ZDHHC8: variants seen among roughly 807,000 people sequenced by gnomAD.
The protein encoded by ZDHHC8 is palmitoyltransferase ZDHHC8.
In ZDHHC8, 24 loss-of-function variants were observed where a neutral mutation model predicts 61.2. The ratio of observed to expected loss-of-function variants is 0.39; its 90% CI spans 0.28 to 0.55. ZDHHC8 has a LOEUF of 0.55. ZDHHC8 is among the 20% of genes least tolerant of loss of function. The pLI, the probability that ZDHHC8 is intolerant of heterozygous loss-of-function variation, is 0.60. For synonymous variants in ZDHHC8, 523 were observed against 492.5 expected, an observed-to-expected ratio of 1.06 and a Z score of -0.82; for missense variants, 935 against 1,102.1, an observed-to-expected ratio of 0.85 and a Z score of 2.15.
chr22:20,143,802 G>C (rs1212891986), intron 10 of ZDHHC8, 46 bp downstream of exon 10: 2 of 1,557,692 alleles, frequency 1.3e-6, no homozygotes, highest in Non-Finnish European at 1.7e-6. Context: ...CAGGGCAGCT[G>C]TCCAGCCGTC....
chr22:20,137,862 A>T (rs1237663377), intron 1 of ZDHHC8, among the ~76,000 whole-genome samples: 2 of 152,162 alleles, frequency 1.3e-5, no homozygotes, highest in African/African-American at 4.8e-5. Context: ...CTGGGCAGGG[A>T]CAGGGAGAGC....
intron 1 of ZDHHC8, 22 bp downstream of exon 1, chr22:20,132,073 G>A (rs1383911831): frequency 8.0e-7 from 1 of 1,251,644 alleles, no homozygotes; most frequent in South Asian, 1.8e-5. Flanking sequence ...CCGCGTCTGG[G>A]GGCACGCGGG....
chr22:20,141,735 C>T (rs768569972), intron 9 of ZDHHC8, among the ~76,000 whole-genome samples: 5 of 152,180 alleles, frequency 3.3e-5, no homozygotes, highest in Non-Finnish European at 4.4e-5. Context: ...TGTCTGTGTG[C>T]ACCCAGAGCT....
chr22:20,145,463 C>G lies in ZDHHC8; in HGVS notation c.*63C>G, dbSNP rs1217127493. The stretch of plus-strand genomic sequence containing the variant: ...ACCAGGACCCCACAGCGCACCCCCC[C>G]TCCCCACCAACTTCTCTGCCCCAGG... On this transcript the variant is annotated 3_prime_UTR_variant, in exon 11 of 11. Coordinates refer to ENST00000334554, the MANE Select transcript of ZDHHC8 (RefSeq NM_013373.4). 1.9e-5 allele frequency: 25 copies of G among 1,346,636 alleles called. No individual in the cohort carries two copies. Among genetic ancestry groups the G allele is most frequent in the Non-Finnish European group, 2.3e-5 (24 of 1,047,338 alleles). The allele number at this position is 1,346,636 out of a possible 1,614,324, so 83.4% of individuals were successfully genotyped here.
chr22:20,137,747 G>A (rs1885418626), intron 1 of ZDHHC8, among the ~76,000 whole-genome samples: 1 of 152,226 alleles, frequency 6.6e-6, no homozygotes, highest in African/African-American at 2.4e-5. Flanking sequence ...GGGGCCTGTG[G>A]TCCTGGCTGA....
chr22:20,145,469 A>G lies in ZDHHC8; in HGVS notation c.*69A>G. 1 of 1,323,732 alleles carries G rather than the reference A, an allele frequency of 7.6e-7. No homozygotes were observed. The allele number at this position is 1,323,732 out of a possible 1,614,324, so 82.0% of individuals were successfully genotyped here. On this transcript the variant is annotated 3_prime_UTR_variant, in exon 11 of 11. Transcript: ENST00000334554. ...ACCCCACAGCGCACCCCCCCTCCCCACCAACTTCTCTGCCCCAGGGACCCG... is the reference window on the plus strand; with the variant it reads ...ACCCCACAGCGCACCCCCCCTCCCCGCCAACTTCTCTGCCCCAGGGACCCG...
In ZDHHC8 at chr22:20,141,170, T is replaced by TGCCCCTCATCCAAGCCCC. The variant is rs764916360; in HGVS notation, c.895-46_895-29dup. The TGCCCCTCATCCAAGCCCC allele has an allele frequency of 3.8e-6, 6 of 1,593,670 alleles. No homozygotes were observed. In the East Asian group the frequency reaches 1.3e-4, roughly 36 times the overall value. ...CCAGGCTGAATCCCTAGTGAAGCCCTGCCCCTCATCCAAGCCCCACACACC... is the reference window on the plus strand; with the variant it reads ...CCAGGCTGAATCCCTAGTGAAGCCCTGCCCCTCATCCAAGCCCCGCCCCTCATCCAAGCCCCACACACC... On this transcript the variant is annotated intron_variant, in intron 7 of 10. Transcript: ENST00000334554.
At chr22:20,132,674 C>T (rs1421533130) in intron 1 of ZDHHC8, among the ~76,000 whole-genome samples, 1 of 152,258 alleles carries the variant, frequency 6.6e-6, no homozygotes, top group African/African-American at 2.4e-5. Context: ...CCTCCGTGGG[C>T]TGGCCATGGT....
At chr22:20,135,254 T>G (rs533705199) in intron 1 of ZDHHC8, among the ~76,000 whole-genome samples, 1 of 152,144 alleles carries the variant, frequency 6.6e-6, no homozygotes, top group Non-Finnish European at 1.5e-5. Flanking sequence ...CCTTCCTATG[T>G]TTCTGGGGGT....
At chr22:20,138,106 G>A (rs373387469) in intron 1 of ZDHHC8, among the ~76,000 whole-genome samples, 3 of 152,282 alleles carry the variant, frequency 2.0e-5, no homozygotes, top group South Asian at 4.1e-4. Flanking sequence ...CCAGGCGGGC[G>A]TGGGTGCAGC....
chr22:20,132,082 G>A lies in ZDHHC8; in HGVS notation c.104+31G>A, dbSNP rs1290123665. On this transcript the variant is annotated intron_variant, in intron 1 of 10. Transcript: ENST00000334554. ...TCGGCGCCGCGTCTGGGGGCACGCG[G>A]GCAGCGATGGGCAGGGCCCGCACAG... 3 of 1,214,594 alleles carry A rather than the reference G, an allele frequency of 2.5e-6. No individual in the cohort carries two copies. In the South Asian group the frequency reaches 5.9e-5, roughly 24 times the overall value. 75.2% of individuals were successfully genotyped at this position (1,214,594 alleles called of 1,614,324 possible).
intron 1 of ZDHHC8, among the ~76,000 whole-genome samples, chr22:20,136,859 T>G (rs1416360102): frequency 1.3e-5 from 2 of 152,196 alleles, no homozygotes; most frequent in Non-Finnish European, 2.9e-5. Context: ...ACATGTGCCC[T>G]GGAGCATGTT....
chr22:20,139,357 A>AGT, intron 2 of ZDHHC8, 42 bp downstream of exon 2: 1 of 1,607,732 alleles, frequency 6.2e-7, no homozygotes, highest in East Asian at 2.2e-5. Context: ...CTTTCACTAG[A>AGT]GTGTGAGTGG....
chr22:20,146,523 G>T lies in ZDHHC8; in HGVS notation c.*1123G>T. On this transcript the variant is annotated 3_prime_UTR_variant, in exon 11 of 11. Transcript: ENST00000334554. ...GATCCCGAGTTAGGGGAGGGCAGGGGCCGGGCCCCAGAAGAGGGAGTGGCT... is the reference window on the plus strand; with the variant it reads ...GATCCCGAGTTAGGGGAGGGCAGGGTCCGGGCCCCAGAAGAGGGAGTGGCT... 1 of 989,504 alleles carries T rather than the reference G, an allele frequency of 1.0e-6. No individual in the cohort carries two copies. The highest frequency in any genetic ancestry group is 4.7e-5 in the South Asian group (1 of 21,328). 61.3% of individuals were successfully genotyped at this position (989,504 alleles called of 1,614,324 possible).
intron 3 of ZDHHC8, 28 bp downstream of exon 3, chr22:20,139,663 C>A: frequency 6.2e-7 from 1 of 1,611,452 alleles, no homozygotes; most frequent in Non-Finnish European, 8.5e-7. Context: ...CCGCGCTCCC[C>A]CAGCCCTGTG....
At chr22:20,133,068 G>T (rs529661324) in intron 1 of ZDHHC8, among the ~76,000 whole-genome samples, 13 of 152,232 alleles carry the variant, frequency 8.5e-5, no homozygotes, top group Non-Finnish European at 1.8e-4. Context: ...AGTTTGGGGG[G>T]CCCCCACGTG....
Position 20,145,258 on chromosome 22 carries a change from G to A in ZDHHC8, c.2156G>A (p.Ser719Asn), listed in dbSNP as rs760087056. The change falls in exon 11 of 11, where the codon AGT (serine) becomes AAT (asparagine). Residue 719 changes from serine (S) to asparagine (N), a missense_variant. Physicochemically the swap from Ser to Asn is conservative, Grantham distance 46 (BLOSUM62 1). Around this residue, in one of 3 missense-constraint regions of ZDHHC8, gnomAD observed 692 missense variants for 731.4 expected, o/e 0.95. Coordinates refer to ENST00000334554, the MANE Select transcript of ZDHHC8 (RefSeq NM_013373.4). Reference sequence around the variant, plus strand: ...CACCCTCAGCTGAAGACTCCCCCAAGTAAGCTTAATGGGCAGTCCCCGGGC... The same window carrying A: ...CACCCTCAGCTGAAGACTCCCCCAAATAAGCTTAATGGGCAGTCCCCGGGC... ...RDHPQLKTPPSKLNGQSPGLA... is the reference protein window; with the variant it reads ...RDHPQLKTPPNKLNGQSPGLA... The A allele has an allele frequency of 7.9e-6, 12 of 1,525,798 alleles. No homozygotes were observed. Among genetic ancestry groups the A allele is most frequent in the East Asian group, 4.9e-5 (2 of 41,068 alleles). The allele number at this position is 1,525,798 out of a possible 1,614,324, so 94.5% of individuals were successfully genotyped here.
chr22:20,138,072 C>T lies in ZDHHC8; in HGVS notation c.105-1122C>T, dbSNP rs551344003. Among the ~76,000 whole-genome samples, 59 of 152,372 alleles carry T rather than the reference C, an allele frequency of 3.9e-4. No homozygotes were observed. In the East Asian group the frequency reaches 5.6e-3, roughly 14 times the overall value. ...GCTCTGCTGCCGTGGAGGTGGTTGCCGGGGCGGCGGGGCTGGCTCTTGGCC... is the reference window on the plus strand; with the variant it reads ...GCTCTGCTGCCGTGGAGGTGGTTGCTGGGGCGGCGGGGCTGGCTCTTGGCC... On this transcript the variant is annotated intron_variant, in intron 1 of 10. Coordinates refer to ENST00000334554, the MANE Select transcript of ZDHHC8 (RefSeq NM_013373.4).
intron 5 of ZDHHC8, 82 bp from the exon 6 acceptor site, chr22:20,140,535 C>A (rs1052416346): frequency 7.2e-7 from 1 of 1,383,734 alleles, no homozygotes; most frequent in Non-Finnish European, 9.7e-7. Flanking sequence ...TTCTAAGGAA[C>A]CCCAGCTCCC....
Sources: allele counts gnomAD v4.1 joint callset (sites outside exome capture counted in the v4.1 genomes callset), GRCh38; gene constraint gnomAD v4.1.1; regional missense constraint gnomAD v4.1.1; transcripts MANE v1.5; gene names NCBI Gene and HGNC (gene_info 2026-07-23, HGNC 2026-07-21).